DLGAP1: variants seen among roughly 807,000 people sequenced by gnomAD.
The protein encoded by DLGAP1 is disks large-associated protein 1.
Under a neutral mutation model 90.8 loss-of-function variants are expected in DLGAP1, and 11 were observed. The observed-to-expected ratio is 0.12, with a 90% confidence interval of 0.08 to 0.20. DLGAP1 has a LOEUF of 0.20. Ranked by LOEUF, DLGAP1 falls within the 10% of genes least tolerant of loss-of-function variation. The pLI is 1.00. For missense variants in DLGAP1, 1,050 were observed against 1,333.8 expected (o/e 0.79, Z 3.31); for synonymous variants, 558 against 540.7 (o/e 1.03, Z -0.44).
chr18:4,211,913 T>G (rs1463464305), intron 1 of DLGAP1, among the ~76,000 whole-genome samples: 1 of 152,156 alleles, frequency 6.6e-6, no homozygotes, highest in African/African-American at 2.4e-5. Flanking sequence ...GCAGCTTGTT[T>G]GCCAAATTCA....
At chr18:3,843,845 T>A (rs757288204) in intron 4 of DLGAP1, among the ~76,000 whole-genome samples, 1 of 152,184 alleles carries the variant, frequency 6.6e-6, no homozygotes, top group African/African-American at 2.4e-5. Context: ...CTTGATGACT[T>A]AGTAAATTAC....
chr18:3,580,307 A>C, intron 8 of DLGAP1: 1 of 1,613,928 alleles, frequency 6.2e-7, no homozygotes, highest in East Asian at 2.2e-5. Context: ...CTCTTCCACC[A>C]AAAGGCACAA....
chr18:4,118,000 T>C (rs1220310207), intron 2 of DLGAP1, among the ~76,000 whole-genome samples: 1 of 152,020 alleles, frequency 6.6e-6, no homozygotes, highest in Non-Finnish European at 1.5e-5. Flanking sequence ...CACACAGCCT[T>C]CATGACCGCC....
intron 7 of DLGAP1, among the ~76,000 whole-genome samples, chr18:3,698,516 C>T (rs1411650905): frequency 1.3e-5 from 2 of 152,160 alleles, no homozygotes; most frequent in Non-Finnish European, 2.9e-5. Flanking sequence ...TATTAGCCTC[C>T]ACTGTCTTCT....
intron 2 of DLGAP1, among the ~76,000 whole-genome samples, chr18:4,032,407 T>G (rs11872141): frequency 0.016 from 2,505 of 152,218 alleles, 69 homozygotes; most frequent in African/African-American, 0.057. Flanking sequence ...CACAGATACC[T>G]TGGTTTTTCC....
chr18:3,546,369 A>G (rs926114834), intron 9 of DLGAP1, among the ~76,000 whole-genome samples: 1 of 151,276 alleles, frequency 6.6e-6, no homozygotes, highest in African/African-American at 2.4e-5. Flanking sequence ...GAGCCAAGAT[A>G]GAGCCACTGC....
Position 3,582,103 on chromosome 18 carries a change from A to G in DLGAP1, c.1737T>C (p.Asp579=), listed in dbSNP as rs531810159. Residue 579 remains aspartate, a synonymous_variant, in exon 8 of 13, where the codon GAT becomes GAC. Transcript: ENST00000315677. ...AYMDGQGQRG[D]IISQSGLSNS... ...TGCTGAGTCCAGACTGGCTGATAAT[A>G]TCTCCTCGCTGGCCCTGTCCGTCCA... The G allele has an allele frequency of 1.9e-6, 3 of 1,612,704 alleles. No individual in the cohort carries two copies. Among genetic ancestry groups the G allele is most frequent in the African/African-American group, 1.3e-5 (1 of 74,454 alleles).
chr18:4,378,987 G>T lies in DLGAP1; in HGVS notation c.-267+76019C>A, dbSNP rs1232239943. Among the ~76,000 whole-genome samples the T allele has an allele frequency of 6.6e-6, 1 of 152,092 alleles. No individual in the cohort carries two copies. The highest frequency in any genetic ancestry group is 1.5e-5 in the Non-Finnish European group (1 of 68,014). ...ATGTTCACAGCATGTGATCTCCTGT[G>T]CCGCGTGACCACAGTTGATAGGACC... On this transcript the variant is annotated intron_variant, in intron 1 of 12. Transcript: ENST00000315677. This position sits in a 1 kb window ranked among gnomAD's most constrained non-coding sequence, Gnocchi z 4.5.
At chr18:3,902,023 C>T (rs1474662787) in intron 3 of DLGAP1, among the ~76,000 whole-genome samples, 1 of 152,198 alleles carries the variant, frequency 6.6e-6, no homozygotes, top group African/African-American at 2.4e-5. Context: ...TGTCTGCCTT[C>T]CCACTTCCCA....
chr18:4,333,186 T>G (rs1017649530), intron 1 of DLGAP1, among the ~76,000 whole-genome samples: 6 of 152,022 alleles, frequency 3.9e-5, no homozygotes, highest in Admixed American at 3.9e-4. Context: ...ACTGCTGATC[T>G]CGCTAGGTCA....
intron 3 of DLGAP1, chr18:3,892,114 AACACAC>A (rs3985698): frequency 0.15 from 19,375 of 132,062 alleles, 1,362 homozygotes; most frequent in East Asian, 0.21. Context: ...TCACCTCTAA[AACACAC>A]ACACACACAC....
chr18:4,445,217 G>A (rs982392359), intron 1 of DLGAP1, among the ~76,000 whole-genome samples: 3 of 151,758 alleles, frequency 2.0e-5, no homozygotes, highest in African/African-American at 7.3e-5. Context: ...AGATGTTCCA[G>A]TAATGTCACT....
intron 4 of DLGAP1, among the ~76,000 whole-genome samples, chr18:3,828,657 A>AAT: frequency 6.6e-6 from 1 of 150,616 alleles, no homozygotes; most frequent in South Asian, 2.1e-4. Flanking sequence ...AAAAAAAAAA[A>AAT]AAAAAAGGAC....
chr18:3,926,235 G>A (rs1466439595), intron 3 of DLGAP1, among the ~76,000 whole-genome samples: 2 of 152,172 alleles, frequency 1.3e-5, no homozygotes, highest in Admixed American at 6.6e-5. Context: ...GCTGTCCTGT[G>A]TCTTGTAGGA....
At position 4,393,075 on chromosome 18, in the gene DLGAP1, T is replaced by C. The variant is rs566468242; in HGVS notation, c.-267+61931A>G. 2.6e-5 allele frequency among the ~76,000 whole-genome samples: 4 copies of C among 152,330 alleles called. No individual in the cohort carries two copies. In the East Asian group the frequency reaches 7.7e-4, roughly 29 times the overall value. On this transcript the variant is annotated intron_variant, in intron 1 of 12. Coordinates refer to ENST00000315677, the MANE Select transcript of DLGAP1 (RefSeq NM_004746.4). Reference sequence around the variant, plus strand: ...CCACTTACAGCAGCCCTCACGTGGTTGTCAAATTCCTACAGTTGGTTTCTT... The same window carrying C: ...CCACTTACAGCAGCCCTCACGTGGTCGTCAAATTCCTACAGTTGGTTTCTT...
At chr18:3,855,325 C>T (rs189996936) in intron 4 of DLGAP1, among the ~76,000 whole-genome samples, 8 of 152,228 alleles carry the variant, frequency 5.3e-5, no homozygotes, top group Admixed American at 4.6e-4. Flanking sequence ...AGCTGCCTAT[C>T]GGGTGTTACG....
intron 1 of DLGAP1, among the ~76,000 whole-genome samples, chr18:4,436,169 G>C (rs938761562): frequency 1.3e-5 from 2 of 152,126 alleles, no homozygotes. Context: ...TACTGGTAAT[G>C]ATTTCTTGCT....
At chr18:4,218,092 A>G (rs1224309001) in intron 1 of DLGAP1, among the ~76,000 whole-genome samples, 2 of 151,840 alleles carry the variant, frequency 1.3e-5, no homozygotes, top group Non-Finnish European at 2.9e-5. Flanking sequence ...ATTTCTGTGA[A>G]AGGTGTAAGA....
intron 4 of DLGAP1, among the ~76,000 whole-genome samples, chr18:3,875,579 C>T (rs1254996188): frequency 1.3e-5 from 2 of 152,224 alleles, no homozygotes; most frequent in African/African-American, 4.8e-5. Context: ...TTGCCACATA[C>T]TAGCTGTGTG....
Sources: gnomAD v4.1 joint callset for allele counts (sites outside exome capture counted in the v4.1 genomes callset) on GRCh38, gnomAD v4.1.1 for gene constraint, Gnocchi (gnomAD v3.1) non-coding constraint, MANE v1.5 for transcripts, NCBI Gene and HGNC (gene_info 2026-07-23, HGNC 2026-07-21) for gene names.